Variants in SLFN12L observed in about 807,000 individuals in gnomAD.
SLFN12L encodes schlafen family member 12-like.
A neutral mutation model predicts 34.8 loss-of-function variants in SLFN12L; 34 were observed. That is an observed-to-expected ratio of 0.98 (90% CI 0.74 to 1.30). The LOEUF (loss-of-function observed/expected upper bound fraction) is 1.30. SLFN12L is among the 50% of genes most tolerant of loss of function. The pLI, the probability that SLFN12L is intolerant of heterozygous loss-of-function variation, is 0.00. For missense variants in SLFN12L, 703 were observed against 696.2 expected (o/e 1.01, Z -0.11); for synonymous variants, 259 against 247.5 (o/e 1.05, Z -0.44).
At chr17:35,487,657 C>T in intron 2 of SLFN12L, 4 of 1,477,384 alleles carry the variant, frequency 2.7e-6, no homozygotes, top group Middle Eastern at 1.7e-4. Context: ...GAGAAGTTCT[C>T]GTTTCGTCTG....
intron 2 of SLFN12L, among the ~76,000 whole-genome samples, chr17:35,483,334 C>CTCATTCTTCCTGGACACAGG (rs1914426746): frequency 6.6e-6 from 1 of 152,168 alleles, no homozygotes; most frequent in African/African-American, 2.4e-5. Context: ...GTCTGCATAC[C>CTCATTCTTCCTGGACACAGG]TCATTCTTCC....
chr17:35,498,226 T>C (rs1187228055), intron 2 of SLFN12L: 9 of 596,304 alleles, frequency 1.5e-5, no homozygotes, highest in Non-Finnish European at 6.2e-6. Flanking sequence ...ATGAAATGAG[T>C]GCGTACCGAG....
chr17:35,492,525 G>C (rs1282612235), intron 2 of SLFN12L, among the ~76,000 whole-genome samples: 1 of 152,202 alleles, frequency 6.6e-6, no homozygotes, highest in East Asian at 1.9e-4. Flanking sequence ...CAGGAACGGG[G>C]AGCTCCCACT....
intron 1 of SLFN12L, among the ~76,000 whole-genome samples, chr17:35,531,789 T>A (rs956728463): frequency 1.3e-5 from 2 of 151,868 alleles, no homozygotes; most frequent in Non-Finnish European, 2.9e-5. Flanking sequence ...GCTAACTTTT[T>A]AAATTTTTTT....
chr17:35,480,219 A>G (rs748301717), intron 2 of SLFN12L, 24 bp from the exon 3 acceptor site: 1 of 1,518,618 alleles, frequency 6.6e-7, no homozygotes, highest in African/African-American at 1.4e-5. Context: ...CCGTTAGAAT[A>G]GGAGTTAAGC....
At chr17:35,500,043 T>G (rs1440878946) in intron 2 of SLFN12L, 1 of 152,388 alleles carries the variant, frequency 6.6e-6, no homozygotes, top group Non-Finnish European at 1.5e-5. Context: ...AAATTCTTTA[T>G]ACGATGTTAA....
At chr17:35,526,376 C>T (rs986928536) in intron 1 of SLFN12L, among the ~76,000 whole-genome samples, 1 of 152,140 alleles carries the variant, frequency 6.6e-6, no homozygotes, top group African/African-American at 2.4e-5. Flanking sequence ...CATCTACAGA[C>T]CTTTCCACTG....
At position 35,471,731 on chromosome 17, in the gene SLFN12L, A is replaced by C. The variant is rs556296165; in HGVS notation, c.*3192T>G. ...ATTTAAAAGTTTTAAATAATCTTTT[A>C]TCTTGACTTTTCAATAATCACCATT... On this transcript the variant is annotated 3_prime_UTR_variant, in exon 5 of 5. Transcript: ENST00000628453. Among the ~76,000 whole-genome samples the C allele has an allele frequency of 1.6e-4, 24 of 150,734 alleles. No individual in the cohort carries two copies. Among genetic ancestry groups the C allele is most frequent in the Middle Eastern group, 6.9e-3 (2 of 290 alleles).
At chr17:35,485,238 G>A (rs1337071395) in intron 2 of SLFN12L, among the ~76,000 whole-genome samples, 1 of 152,096 alleles carries the variant, frequency 6.6e-6, no homozygotes, top group African/African-American at 2.4e-5. Context: ...TAGATGAGAT[G>A]GTATTTCATT....
At chr17:35,480,410 A>T in intron 2 of SLFN12L, 1 of 423,954 alleles carries the variant, frequency 2.4e-6, no homozygotes. Flanking sequence ...GTTTTATACG[A>T]TCTTATTCTA....
chr17:35,497,200 G>A (rs1282266679), intron 2 of SLFN12L, among the ~76,000 whole-genome samples: 2 of 152,140 alleles, frequency 1.3e-5, no homozygotes, highest in Non-Finnish European at 2.9e-5. Flanking sequence ...AGACCAGCCT[G>A]GCCAACATAG....
At chr17:35,535,486 GC>G (rs1329344563) in intron 1 of SLFN12L, among the ~76,000 whole-genome samples, 1 of 145,722 alleles carries the variant, frequency 6.9e-6, no homozygotes, top group African/African-American at 2.5e-5. Flanking sequence ...ACCGCACCCA[GC>G]CTTTTTTTTT....
chr17:35,530,287 C>T (rs1351493084), intron 1 of SLFN12L, among the ~76,000 whole-genome samples: 2 of 146,190 alleles, frequency 1.4e-5, no homozygotes, highest in African/African-American at 5.1e-5. Context: ...GCGGAGGTTG[C>T]AGTGAGCCAA....
intron 1 of SLFN12L, among the ~76,000 whole-genome samples, chr17:35,532,917 A>G (rs1199975958): frequency 1.3e-5 from 2 of 152,168 alleles, no homozygotes; most frequent in Admixed American, 1.3e-4. Context: ...CAAAAACAAA[A>G]AAACTTCAAA....
intron 2 of SLFN12L, chr17:35,490,209 C>T: frequency 6.3e-7 from 1 of 1,591,100 alleles, no homozygotes; most frequent in Non-Finnish European, 8.6e-7. Context: ...GGCAGTGGCC[C>T]TCTGGCAAAG....
chr17:35,483,507 A>C (rs1914438560), intron 2 of SLFN12L, among the ~76,000 whole-genome samples: 1 of 152,204 alleles, frequency 6.6e-6, no homozygotes. Context: ...TCCTCACCAG[A>C]ATCCAATGAT....
chr17:35,514,805 A>C (rs1233610954), intron 2 of SLFN12L: 2 of 399,478 alleles, frequency 5.0e-6, no homozygotes, highest in Non-Finnish European at 9.7e-6. Flanking sequence ...AGCACTTACA[A>C]GTCTCTGATT....
chr17:35,476,597 G>A (rs900310153), intron 4 of SLFN12L, among the ~76,000 whole-genome samples: 17 of 152,110 alleles, frequency 1.1e-4, no homozygotes, highest in Middle Eastern at 3.4e-3. Context: ...TCAGCCTCAC[G>A]GTGCTCAGGA....
At chr17:35,526,921 C>G (rs2072341216) in intron 1 of SLFN12L, among the ~76,000 whole-genome samples, 1 of 151,592 alleles carries the variant, frequency 6.6e-6, no homozygotes, top group Admixed American at 6.6e-5. Flanking sequence ...AATCTAGGAG[C>G]TGGTTTTTTG....
Sources: gnomAD v4.1 joint callset for allele counts (sites outside exome capture counted in the v4.1 genomes callset) on GRCh38, gnomAD v4.1.1 for gene constraint, MANE v1.5 for transcripts, NCBI Gene and HGNC (gene_info 2026-07-23, HGNC 2026-07-21) for gene names.